The following ALK variants were observed in gnomAD, a reference collection of about 807,000 sequenced individuals.
ALK encodes the protein ALK tyrosine kinase receptor.
In ALK, 74 loss-of-function variants were observed where a neutral mutation model predicts 163.1. The ratio of observed to expected loss-of-function variants is 0.45; its 90% CI spans 0.38 to 0.55. The LOEUF (loss-of-function observed/expected upper bound fraction) is 0.55. ALK is among the 20% of genes least tolerant of loss of function. The pLI is 0.00. For synonymous variants in ALK, 960 were observed against 843.2 expected (o/e 1.14, Z -2.40); for missense variants, 2,063 against 2,105.3 (o/e 0.98, Z 0.39).
At chr2:29,577,548 A>G (rs1674558287) in intron 3 of ALK, among the ~76,000 whole-genome samples, 2 of 152,148 alleles carry the variant, frequency 1.3e-5, no homozygotes, top group Non-Finnish European at 2.9e-5. Context: ...TGTGGCCATG[A>G]CGATAAAGGA....
chr2:29,819,620 T>C (rs1450971824), intron 1 of ALK, among the ~76,000 whole-genome samples: 2 of 152,266 alleles, frequency 1.3e-5, no homozygotes, highest in East Asian at 1.9e-4. Flanking sequence ...TCTTAGCAAA[T>C]TGATCTTACC....
At chr2:29,214,942 C>T (rs1348074978) in intron 23 of ALK, among the ~76,000 whole-genome samples, 2 of 152,212 alleles carry the variant, frequency 1.3e-5, no homozygotes, top group African/African-American at 2.4e-5. Context: ...GCTGGACACA[C>T]ACTGGGGGTT....
chr2:29,544,631 G>A (rs1003048767), intron 3 of ALK, among the ~76,000 whole-genome samples: 2 of 151,946 alleles, frequency 1.3e-5, no homozygotes, highest in Non-Finnish European at 2.9e-5. Flanking sequence ...ATATCTATGT[G>A]TATGTCTAAT....
At chr2:29,383,969 T>C in intron 4 of ALK, 110 bp from the exon 5 acceptor site, 1 of 1,372,132 alleles carries the variant, frequency 7.3e-7, no homozygotes, top group South Asian at 1.2e-5. Context: ...ACTCACATTC[T>C]TCATGGGCAC....
intron 3 of ALK, among the ~76,000 whole-genome samples, chr2:29,581,282 G>A (rs1265106692): frequency 6.6e-6 from 1 of 152,192 alleles, no homozygotes; most frequent in Non-Finnish European, 1.5e-5. Context: ...CAGCTGCTCG[G>A]GAGGCTGAGG....
chr2:29,513,977 A>C (rs59981256), intron 4 of ALK, among the ~76,000 whole-genome samples: 1 of 89,424 alleles, frequency 1.1e-5, no homozygotes, highest in Non-Finnish European at 2.3e-5. Flanking sequence ...TTAGAATGGC[A>C]ATCATTAAAA....
intron 23 of ALK, among the ~76,000 whole-genome samples, chr2:29,218,930 C>T (rs1669711171): frequency 6.6e-6 from 1 of 152,220 alleles, no homozygotes; most frequent in Non-Finnish European, 1.5e-5. Context: ...GCTCTAAGGA[C>T]ACAACCTCAT....
chr2:29,566,779 A>G (rs1323455504), intron 3 of ALK, among the ~76,000 whole-genome samples: 3 of 152,258 alleles, frequency 2.0e-5, no homozygotes. Flanking sequence ...TAATTCATGC[A>G]TATAATGAGA....
At chr2:29,835,881 A>G (rs982758382) in intron 1 of ALK, among the ~76,000 whole-genome samples, 5 of 152,184 alleles carry the variant, frequency 3.3e-5, no homozygotes, top group Non-Finnish European at 7.3e-5. Flanking sequence ...CGGAACTGTG[A>G]GTCCATTAAA....
At chr2:29,262,382 A>G (rs897726318) in intron 11 of ALK, among the ~76,000 whole-genome samples, 2 of 152,178 alleles carry the variant, frequency 1.3e-5, no homozygotes, top group Non-Finnish European at 2.9e-5. Context: ...ATACATGCAC[A>G]TATGCTTGCA....
At chr2:29,500,337 C>T (rs11689397) in intron 4 of ALK, among the ~76,000 whole-genome samples, 83,722 of 151,736 alleles carry the variant, frequency 0.55, 23,582 homozygotes, top group South Asian at 0.64. Flanking sequence ...TCCCTGCTAC[C>T]GCTCTTGCTC....
intron 5 of ALK, among the ~76,000 whole-genome samples, chr2:29,383,032 G>A (rs910922649): frequency 1.3e-5 from 2 of 152,150 alleles, no homozygotes; most frequent in Non-Finnish European, 2.9e-5. Flanking sequence ...ACAGATGACT[G>A]TGGGACATGG....
Position 29,920,790 on chromosome 2 carries a change from G to T in ALK, c.-131C>A. 2.5e-6 allele frequency: 2 copies of T among 804,394 alleles called. No homozygotes were observed. Among genetic ancestry groups the T allele is most frequent in the Non-Finnish European group, 3.9e-6 (2 of 514,774 alleles). 49.8% of individuals were successfully genotyped at this position (804,394 alleles called of 1,614,324 possible). On this transcript the variant is annotated 5_prime_UTR_variant, in exon 1 of 29. Transcript: ENST00000389048. ...TTCCACCTGATCTCCAGAGGACTGT[G>T]CGTGCGCGCAAGTCTCTTGCTTTCC...
At chr2:29,556,524 G>T (rs924930023) in intron 3 of ALK, among the ~76,000 whole-genome samples, 1 of 152,192 alleles carries the variant, frequency 6.6e-6, no homozygotes, top group Non-Finnish European at 1.5e-5. Context: ...AATTCTCAAG[G>T]TTGTAGTCTC....
chr2:29,206,776 G>GGTGTGTGT (rs3028218), intron 26 of ALK, among the ~76,000 whole-genome samples: 1 of 150,268 alleles, frequency 6.7e-6, no homozygotes, highest in Non-Finnish European at 1.5e-5. Context: ...TCCCTTTATT[G>GGTGTGTGT]GTGTGTGTGT....
chr2:29,619,233 A>G (rs1168688052), intron 3 of ALK, among the ~76,000 whole-genome samples: 2 of 152,178 alleles, frequency 1.3e-5, no homozygotes, highest in Non-Finnish European at 2.9e-5. Flanking sequence ...TGCACAGTGG[A>G]GAGCCCTGGA....
chr2:29,329,636 G>C (rs1667381985), intron 5 of ALK, among the ~76,000 whole-genome samples: 1 of 152,196 alleles, frequency 6.6e-6, no homozygotes, highest in Admixed American at 6.5e-5. Context: ...CTCACATGGG[G>C]GTGGGGCCTT....
chr2:29,414,120 C>G (rs899273305), intron 4 of ALK, among the ~76,000 whole-genome samples: 1 of 152,176 alleles, frequency 6.6e-6, no homozygotes, highest in African/African-American at 2.4e-5. Context: ...TACAACGGCA[C>G]TAGGTGATTG....
At chr2:29,781,053 T>C (rs963720895) in intron 1 of ALK, among the ~76,000 whole-genome samples, 1 of 152,222 alleles carries the variant, frequency 6.6e-6, no homozygotes, top group African/African-American at 2.4e-5. Flanking sequence ...GCACCTTCTA[T>C]ATGTCTGGAA....
Sources: gnomAD v4.1 joint callset for allele counts (sites outside exome capture counted in the v4.1 genomes callset) on GRCh38, gnomAD v4.1.1 for gene constraint, MANE v1.5 for transcripts, NCBI Gene and HGNC (gene_info 2026-07-23, HGNC 2026-07-21) for gene names.